IGDCC4: variants seen among roughly 807,000 people sequenced by gnomAD.
The protein encoded by IGDCC4 is immunoglobulin superfamily DCC subclass member 4, also known as likely ortholog of mouse neighbor of Punc E11.
In IGDCC4, 72 loss-of-function variants were observed where a neutral mutation model predicts 116.6. The observed-to-expected ratio is 0.62, with a 90% CI of 0.51 to 0.75. The LOEUF (loss-of-function observed/expected upper bound fraction) is 0.75. IGDCC4 is among the 30% of genes least tolerant of loss of function. The pLI is 0.00. For synonymous variants in IGDCC4, 709 were observed against 719.9 expected (o/e 0.98, Z 0.24); for missense variants, 1,501 against 1,662.4 (o/e 0.90, Z 1.69).
At chr15:65,387,315 C>T (rs555219353) in intron 16 of IGDCC4, among the ~76,000 whole-genome samples, 1 of 152,016 alleles carries the variant, frequency 6.6e-6, no homozygotes, top group East Asian at 1.9e-4. Context: ...GGATTACAAG[C>T]ACAAGCCACC....
At chr15:65,400,763 C>G (rs655936) in intron 5 of IGDCC4, 43 bp downstream of exon 5, 112,238 of 1,552,148 alleles carry the variant, frequency 0.072, 9,238 homozygotes, top group East Asian at 0.48. Flanking sequence ...GATGCCACAT[C>G]CCTCCCTTCC....
In IGDCC4 at chr15:65,384,055, C is replaced by T. The variant is rs1567077813; in HGVS notation, c.3707G>A (p.Gly1236Glu). ...GGATCTGGGCAGGCCTGGGCTGGCT[C>T]CTAGAGGGCAGGGGGATTTGAGCTG... ...SCQLKSPCPL[G>E]ASPGLPRSPV... Residue 1236 changes from glycine to glutamate, a missense_variant, in exon 20 of 20, where the codon GGA becomes GAA. By Grantham distance (98) the Gly-to-Glu change is moderately conservative (BLOSUM62 -2). Around this residue, in one of 3 missense-constraint regions of IGDCC4, gnomAD observed 368 missense variants for 355.6 expected, o/e 1.03. Coordinates refer to ENST00000352385, the MANE Select transcript of IGDCC4 (RefSeq NM_020962.3). The surrounding 1 kb of genome is among the most constrained non-coding windows in gnomAD (Gnocchi z 4.9). 3.7e-6 allele frequency: 6 copies of T among 1,612,438 alleles called. No homozygotes were observed. The highest frequency in any genetic ancestry group is 1.7e-5 in the Admixed American group (1 of 59,906).
intron 5 of IGDCC4, 141 bp downstream of exon 5, chr15:65,400,665 A>G: frequency 9.8e-7 from 1 of 1,023,872 alleles, no homozygotes; most frequent in African/African-American, 1.6e-5. Flanking sequence ...CACCACACCC[A>G]GCCCTGGGAA....
intron 1 of IGDCC4, among the ~76,000 whole-genome samples, chr15:65,422,170 C>T (rs1336036326): frequency 1.3e-5 from 2 of 152,094 alleles, no homozygotes; most frequent in African/African-American, 2.4e-5. Context: ...CCTCTCTAAC[C>T]GGCCCCAGGG....
At chr15:65,406,802 C>T (rs2063044769) in intron 3 of IGDCC4, among the ~76,000 whole-genome samples, 1 of 152,028 alleles carries the variant, frequency 6.6e-6, no homozygotes, top group Non-Finnish European at 1.5e-5. Context: ...TCCCAGAGTC[C>T]AAAAACTGGC....
rs116681902 is a variant in IGDCC4 at position 65,419,605 on chromosome 15, G to A, written c.70+3188C>T. On this transcript the variant is annotated intron_variant, in intron 1 of 19. Transcript: ENST00000352385. ...CCTAACTTCCAAGATGGGGAAAGAG[G>A]CCCACCCCAAATGACTGAGATTGGC... 2.5e-3 allele frequency among the ~76,000 whole-genome samples: 388 copies of A among 152,226 alleles called. 1 individual carries two copies. The highest frequency in any genetic ancestry group is 8.6e-3 in the African/African-American group (358 of 41,526).
chr15:65,422,487 G>A (rs1266319323), intron 1 of IGDCC4, among the ~76,000 whole-genome samples: 2 of 148,430 alleles, frequency 1.3e-5, no homozygotes, highest in African/African-American at 5.0e-5. Context: ...CGCGACCATG[G>A]CACGCACTGC....
At chr15:65,410,051 G>T in intron 3 of IGDCC4, 127 bp downstream of exon 3, 1 of 1,116,548 alleles carries the variant, frequency 9.0e-7, no homozygotes, top group East Asian at 2.5e-5. Context: ...GGAGTCAGGC[G>T]GTGGTTAACA....
At chr15:65,413,024 A>ATGTGTG (rs59690408) in intron 1 of IGDCC4, among the ~76,000 whole-genome samples, 3,646 of 146,018 alleles carry the variant, frequency 0.025, 64 homozygotes, top group East Asian at 0.062. Context: ...GTGTGAGAAA[A>ATGTGTG]TGTGTGTGTG....
At position 65,384,904 on chromosome 15, in the gene IGDCC4, G is replaced by C. The variant is rs1395283465; in HGVS notation, c.3342+50C>G. The C allele has an allele frequency of 5.1e-6, 8 of 1,561,618 alleles. No individual in the cohort carries two copies. The highest frequency in any genetic ancestry group is 1.9e-5 in the Admixed American group (1 of 52,724). On this transcript the variant is annotated intron_variant, in intron 19 of 19. Transcript: ENST00000352385. The surrounding 1 kb of genome is among the most constrained non-coding windows in gnomAD (Gnocchi z 4.9). ...AGAACTCATTACTTCCTCTTCACAA[G>C]CACAGAGACCCTTTCCTCCTTTCCT...
intron 12 of IGDCC4, 146 bp downstream of exon 12, chr15:65,391,733 AC>A (rs1268809604): frequency 4.4e-6 from 3 of 674,910 alleles, no homozygotes; most frequent in Non-Finnish European, 7.7e-6. Flanking sequence ...CTAAAAGAGG[AC>A]CCCTGATCCT....
intron 14 of IGDCC4, 61 bp from the exon 15 acceptor site, chr15:65,389,039 A>C: frequency 8.5e-7 from 1 of 1,170,826 alleles, no homozygotes; most frequent in Non-Finnish European, 1.2e-6. Context: ...GCATGATGAT[A>C]TGACCTCCCT....
chr15:65,391,392 T>C (rs375914914), intron 12 of IGDCC4, among the ~76,000 whole-genome samples: 2 of 152,282 alleles, frequency 1.3e-5, no homozygotes, highest in African/African-American at 4.8e-5. Context: ...GAGTTTTGCC[T>C]GGAAACCAGG....
chr15:65,395,652 G>T, intron 7 of IGDCC4, 98 bp downstream of exon 7: 1 of 1,271,472 alleles, frequency 7.9e-7, no homozygotes, highest in Non-Finnish European at 1.0e-6. Context: ...TGCCGCAGAG[G>T]TACCCATCAG....
At chr15:65,418,143 C>A (rs1026704711) in intron 1 of IGDCC4, among the ~76,000 whole-genome samples, 2 of 152,158 alleles carry the variant, frequency 1.3e-5, no homozygotes, top group Non-Finnish European at 2.9e-5. Flanking sequence ...CCCTTCAGGG[C>A]AAGAAAGGAT....
chr15:65,395,473 C>T (rs2062914305), intron 7 of IGDCC4, among the ~76,000 whole-genome samples: 1 of 152,158 alleles, frequency 6.6e-6, no homozygotes, highest in South Asian at 2.1e-4. Flanking sequence ...AATGACCCCC[C>T]TCTCCAGTTA....
intron 1 of IGDCC4, among the ~76,000 whole-genome samples, chr15:65,418,080 C>T (rs557344234): frequency 6.6e-6 from 1 of 152,248 alleles, no homozygotes; most frequent in Admixed American, 6.5e-5. Context: ...GGCATAGAGC[C>T]CCCTATGCTT....
intron 1 of IGDCC4, among the ~76,000 whole-genome samples, chr15:65,412,038 G>A (rs1395920864): frequency 6.6e-6 from 1 of 152,212 alleles, no homozygotes; most frequent in East Asian, 1.9e-4. Context: ...GTAACACAGA[G>A]AGACTCCGTC....
intron 1 of IGDCC4, among the ~76,000 whole-genome samples, chr15:65,414,503 T>A (rs1458193755): frequency 1.3e-5 from 2 of 152,216 alleles, no homozygotes; most frequent in Non-Finnish European, 2.9e-5. Context: ...ACCAGCTCTG[T>A]GACAAGCCAC....
Sources: gnomAD v4.1 joint callset for allele counts (sites outside exome capture counted in the v4.1 genomes callset) on GRCh38, gnomAD v4.1.1 for gene constraint, gnomAD v4.1.1 regional missense constraint, Gnocchi (gnomAD v3.1) non-coding constraint, MANE v1.5 for transcripts, NCBI Gene and HGNC (gene_info 2026-07-23, HGNC 2026-07-21) for gene names.